SHANK2: variants seen among roughly 807,000 people sequenced by gnomAD.
SHANK2 encodes the protein SH3 and multiple ankyrin repeat domains 2, also known as SH3 and multiple ankyrin repeat domains protein 2.
A neutral mutation model predicts 133.7 loss-of-function variants in SHANK2; 43 were observed. That is an observed-to-expected ratio of 0.32 (90% CI 0.25 to 0.41). SHANK2 has a LOEUF of 0.41. Among genes scored for constraint, SHANK2 ranks in the 10% least tolerant of loss-of-function variants. SHANK2 has a pLI of 1.00. For missense variants in SHANK2, 1,994 were observed against 2,235.8 expected (o/e 0.89, Z 2.18); for synonymous variants, 1,017 against 952.8 (o/e 1.07, Z -1.24).
chr11:71,176,081 G>A (rs908711070), intron 2 of SHANK2, among the ~76,000 whole-genome samples: 1 of 152,198 alleles, frequency 6.6e-6, no homozygotes, highest in African/African-American at 2.4e-5. Flanking sequence ...CAGGAACAGT[G>A]TCTGTTCCCA....
At chr11:71,093,051 A>G (rs868907872) in intron 7 of SHANK2, among the ~76,000 whole-genome samples, 87 of 70,568 alleles carry the variant, frequency 1.2e-3, no homozygotes, top group Admixed American at 1.7e-3. Context: ...TCAAAAATAA[A>G]GGGGGGGGGG....
intron 1 of SHANK2, among the ~76,000 whole-genome samples, chr11:71,236,330 C>T (rs562692681): frequency 2.6e-5 from 4 of 152,306 alleles, no homozygotes; most frequent in East Asian, 1.9e-4. Flanking sequence ...AACATGAGGG[C>T]GGGCGTGGTG....
At chr11:70,766,605 G>A (rs1247496904) in intron 14 of SHANK2, among the ~76,000 whole-genome samples, 6 of 152,218 alleles carry the variant, frequency 3.9e-5, no homozygotes, top group South Asian at 4.2e-4. Context: ...CTAAGCAACC[G>A]CATCAGGGGT....
chr11:71,085,351 G>C (rs1951364204), intron 8 of SHANK2, among the ~76,000 whole-genome samples: 1 of 149,640 alleles, frequency 6.7e-6, no homozygotes, highest in Non-Finnish European at 1.5e-5. Context: ...AGGTACTTGG[G>C]AGGCTGAGGC....
intron 2 of SHANK2, among the ~76,000 whole-genome samples, chr11:71,210,272 A>G (rs1954245596): frequency 1.6e-5 from 2 of 128,336 alleles, no homozygotes; most frequent in South Asian, 2.5e-4. Context: ...TTTTTGAAAC[A>G]GAGTCTCTCT....
chr11:70,643,043 A>G (rs1160252897), intron 17 of SHANK2, among the ~76,000 whole-genome samples: 1 of 152,194 alleles, frequency 6.6e-6, no homozygotes, highest in Non-Finnish European at 1.5e-5. Context: ...AAAACGTCAC[A>G]TGGGCCCGTA....
intron 14 of SHANK2, among the ~76,000 whole-genome samples, chr11:70,788,163 T>C (rs1591845926): frequency 6.6e-6 from 1 of 151,878 alleles, no homozygotes; most frequent in East Asian, 1.9e-4. Context: ...AACTGGGAGG[T>C]GTGACAGCCA....
At chr11:70,515,690 C>A (rs553055656) in intron 17 of SHANK2, among the ~76,000 whole-genome samples, 1 of 147,796 alleles carries the variant, frequency 6.8e-6, no homozygotes, top group East Asian at 2.0e-4. Flanking sequence ...TATGGCAGCA[C>A]GTGGCTGTGG....
intron 1 of SHANK2, among the ~76,000 whole-genome samples, chr11:71,229,765 G>GAAAAAAAAAAAAAAGAAAAA (rs1954708407): frequency 8.6e-6 from 1 of 116,536 alleles, no homozygotes; most frequent in African/African-American, 3.0e-5. Context: ...TCTCAAAAAA[G>GAAAAAAAAAAAAAAGAAAAA]AAAAAAAAAA....
chr11:71,109,504 T>C (rs1316333210), intron 6 of SHANK2, among the ~76,000 whole-genome samples: 2 of 152,184 alleles, frequency 1.3e-5, no homozygotes, highest in African/African-American at 4.8e-5. Context: ...TCATGAGGAA[T>C]GTGGTTTCCA....
intron 6 of SHANK2, among the ~76,000 whole-genome samples, chr11:71,106,848 G>C (rs1951809380): frequency 6.6e-6 from 1 of 152,062 alleles, no homozygotes; most frequent in Admixed American, 6.5e-5. Flanking sequence ...GGAGAGGCCA[G>C]GCGTGGTGGC....
At chr11:70,795,142 T>C (rs960474340) in intron 14 of SHANK2, among the ~76,000 whole-genome samples, 1 of 152,100 alleles carries the variant, frequency 6.6e-6, no homozygotes, top group African/African-American at 2.4e-5. Flanking sequence ...CAGAGATGCC[T>C]TCCTTCCCTG....
chr11:70,674,885 T>C (rs999082426), intron 15 of SHANK2, among the ~76,000 whole-genome samples: 3 of 152,282 alleles, frequency 2.0e-5, no homozygotes, highest in Non-Finnish European at 4.4e-5. Flanking sequence ...CTGCAGTTTC[T>C]AAAGATAGGC....
chr11:71,205,203 G>A (rs902976883), intron 2 of SHANK2, among the ~76,000 whole-genome samples: 2 of 152,172 alleles, frequency 1.3e-5, no homozygotes, highest in Admixed American at 1.3e-4. Flanking sequence ...CCCAGGCCAC[G>A]GACTCTCAGC....
chr11:70,676,635 A>G (rs546745627), intron 15 of SHANK2, among the ~76,000 whole-genome samples: 1 of 152,324 alleles, frequency 6.6e-6, no homozygotes, highest in East Asian at 1.9e-4. Flanking sequence ...CTTTCTAATG[A>G]ACATAATGTG....
chr11:70,895,418 GC>G (rs1338291751), intron 11 of SHANK2: 2 of 152,662 alleles, frequency 1.3e-5, no homozygotes. Context: ...CAATGGGACT[GC>G]TCCCCGCTGC....
chr11:70,572,162 AC>A (rs1355825484), intron 17 of SHANK2, among the ~76,000 whole-genome samples: 2 of 152,106 alleles, frequency 1.3e-5, no homozygotes, highest in African/African-American at 4.8e-5. Context: ...GAGAAAATCA[AC>A]CCCTGTTGGG....
intron 8 of SHANK2, among the ~76,000 whole-genome samples, chr11:71,089,007 T>A (rs1196536252): frequency 6.6e-6 from 1 of 151,988 alleles, no homozygotes; most frequent in African/African-American, 2.4e-5. Flanking sequence ...TGTGGGTGAC[T>A]GCACCACCCC....
chr11:71,251,970 G>T (rs1339604824), intron 1 of SHANK2, among the ~76,000 whole-genome samples: 2 of 151,994 alleles, frequency 1.3e-5, no homozygotes, highest in African/African-American at 4.8e-5. Context: ...CGCTGGGCTC[G>T]CTGGCCCGGG....
Sources: allele counts gnomAD v4.1 joint callset (sites outside exome capture counted in the v4.1 genomes callset), GRCh38; gene constraint gnomAD v4.1.1; transcripts MANE v1.5; gene names NCBI Gene and HGNC (gene_info 2026-07-23, HGNC 2026-07-21).